The following FRMD4A variants were observed in gnomAD, a reference collection of about 807,000 sequenced individuals.
FRMD4A encodes FERM domain-containing protein 4A.
Under a neutral mutation model 129.1 loss-of-function variants are expected in FRMD4A, and 29 were observed. The ratio of observed to expected loss-of-function variants is 0.22; its 90% CI spans 0.17 to 0.31. The LOEUF is 0.31. Among genes scored for constraint, FRMD4A ranks in the 10% least tolerant of loss-of-function variants. The pLI, the probability that FRMD4A is intolerant of heterozygous loss-of-function variation, is 1.00. For missense variants in FRMD4A, 1,272 were observed against 1,375.8 expected, an observed-to-expected ratio of 0.92 and a Z score of 1.19; for synonymous variants, 634 against 571.6, an observed-to-expected ratio of 1.11 and a Z score of -1.56.
intron 2 of FRMD4A, among the ~76,000 whole-genome samples, chr10:14,018,395 G>T (rs142768519): frequency 7.2e-6 from 1 of 138,372 alleles, no homozygotes; most frequent in African/African-American, 2.8e-5. Flanking sequence ...GGCAGAGGTT[G>T]CAGTGAGCCG....
At chr10:13,933,272 G>A (rs2095218206) in intron 2 of FRMD4A, among the ~76,000 whole-genome samples, 1 of 137,842 alleles carries the variant, frequency 7.3e-6, no homozygotes, top group South Asian at 2.2e-4. Context: ...TGTACACCGA[G>A]TAAATGACTT....
chr10:13,795,896 T>A lies in FRMD4A; in HGVS notation c.299+600A>T, dbSNP rs553094080. Among the ~76,000 whole-genome samples, 51 of 152,304 alleles carry A rather than the reference T, an allele frequency of 3.3e-4. 1 individual carries two copies. Among genetic ancestry groups the A allele is most frequent in the South Asian group, 3.3e-3 (16 of 4,822 alleles). ...CAGCTGCAAATATTAACTATTTAAA[T>A]CACTATAGCCCACAAATCGTTCCCT... On this transcript the variant is annotated intron_variant, in intron 5 of 24. Coordinates refer to ENST00000357447, the MANE Select transcript of FRMD4A (RefSeq NM_018027.5).
At chr10:13,976,075 C>T (rs764205721) in intron 2 of FRMD4A, among the ~76,000 whole-genome samples, 30 of 152,118 alleles carry the variant, frequency 2.0e-4, no homozygotes, top group Non-Finnish European at 3.5e-4. Context: ...ATGTTAGACA[C>T]CAGGAAGACA....
At chr10:13,980,727 C>A (rs983044558) in intron 2 of FRMD4A, among the ~76,000 whole-genome samples, 2 of 152,072 alleles carry the variant, frequency 1.3e-5, no homozygotes, top group African/African-American at 4.8e-5. Context: ...CCGTAAAAAT[C>A]AAATCAAATC....
chr10:14,299,703 C>T lies in FRMD4A; in HGVS notation c.45+30355G>A, dbSNP rs535880601. ...CCTATCTCCTGGGAACTCAATGAGC[C>T]GCCTCAGACAAGACACATCAACTAC... On this transcript the variant is annotated intron_variant, in intron 2 of 24. Coordinates refer to ENST00000357447, the MANE Select transcript of FRMD4A (RefSeq NM_018027.5). Among the ~76,000 whole-genome samples the T allele has an allele frequency of 1.1e-4, 17 of 152,212 alleles. No homozygotes were observed. In the East Asian group the frequency reaches 1.5e-3, roughly 14 times the overall value.
At chr10:13,878,771 A>G (rs112068295) in intron 2 of FRMD4A, among the ~76,000 whole-genome samples, 1 of 143,084 alleles carries the variant, frequency 7.0e-6, no homozygotes, top group Non-Finnish European at 1.5e-5. Context: ...GAAAGAAAAG[A>G]AAGAGAGAGA....
intron 2 of FRMD4A, among the ~76,000 whole-genome samples, chr10:13,993,589 T>G (rs771754085): frequency 1.3e-5 from 2 of 152,230 alleles, no homozygotes; most frequent in African/African-American, 2.4e-5. Context: ...TGATTTGTTC[T>G]GTTTTAACAC....
chr10:14,208,608 T>C (rs1351809140), intron 2 of FRMD4A, among the ~76,000 whole-genome samples: 1 of 152,062 alleles, frequency 6.6e-6, no homozygotes, highest in Non-Finnish European at 1.5e-5. Context: ...CAACCTCAGC[T>C]GTCTGTGCTC....
intron 2 of FRMD4A, among the ~76,000 whole-genome samples, chr10:14,117,906 G>A (rs888531362): frequency 3.1e-4 from 47 of 152,240 alleles, no homozygotes; most frequent in Non-Finnish European, 1.3e-4. Flanking sequence ...TACTTGCAGA[G>A]AGGTGTTTAT....
At chr10:13,918,317 A>G (rs2095032674) in intron 2 of FRMD4A, among the ~76,000 whole-genome samples, 1 of 152,190 alleles carries the variant, frequency 6.6e-6, no homozygotes, top group African/African-American at 2.4e-5. Context: ...TCTCCAGTCT[A>G]AATGACCCCC....
At chr10:14,129,963 T>G (rs1205983904) in intron 2 of FRMD4A, among the ~76,000 whole-genome samples, 2 of 152,136 alleles carry the variant, frequency 1.3e-5, no homozygotes, top group Non-Finnish European at 2.9e-5. Flanking sequence ...GTGGTGGCCC[T>G]CTTGGTTGTC....
In FRMD4A at chr10:13,926,155, C is replaced by A. The variant is rs563139501; in HGVS notation, c.46-67243G>T. Among the ~76,000 whole-genome samples the A allele has an allele frequency of 4.6e-5, 7 of 152,208 alleles. No individual in the cohort carries two copies. The South Asian group carries it at 1.5e-3, about 32-fold the overall frequency. The stretch of plus-strand genomic sequence containing the variant: ...TCTGCTTCTGTATATTGTGCATTAA[C>A]TAGAAGTGATGTGAAGAAATGGAAC... On this transcript the variant is annotated intron_variant, in intron 2 of 24. Coordinates refer to ENST00000357447, the MANE Select transcript of FRMD4A (RefSeq NM_018027.5).
chr10:13,891,063 T>C (rs1363068917), intron 2 of FRMD4A, among the ~76,000 whole-genome samples: 1 of 152,132 alleles, frequency 6.6e-6, no homozygotes, highest in Non-Finnish European at 1.5e-5. Context: ...ATAGAAGCAC[T>C]GCATTTAGCC....
rs180795347 is a variant in FRMD4A at position 13,966,097 on chromosome 10, G to A, written c.46-107185C>T. On this transcript the variant is annotated intron_variant, in intron 2 of 24. Transcript: ENST00000357447. Reference sequence around the variant, plus strand: ...CCATCTTGGCTCACTGCGACCTCTCGAACTCCCGACCTCCCGGGTTCAAGC... The same window carrying A: ...CCATCTTGGCTCACTGCGACCTCTCAAACTCCCGACCTCCCGGGTTCAAGC... Among the ~76,000 whole-genome samples the A allele has an allele frequency of 8.7e-4, 132 of 151,962 alleles. No individual in the cohort carries two copies. The South Asian group carries it at 8.7e-3, about 10-fold the overall frequency.
At chr10:13,652,222 G>GCAAA (rs2134487418) in intron 23 of FRMD4A, 1 of 553,128 alleles carries the variant, frequency 1.8e-6, no homozygotes, top group South Asian at 2.2e-5. Context: ...TCACATCATA[G>GCAAA]CAAACAGTTT....
chr10:13,868,397 G>C (rs866923939), intron 2 of FRMD4A, among the ~76,000 whole-genome samples: 4 of 152,072 alleles, frequency 2.6e-5, no homozygotes, highest in Non-Finnish European at 5.9e-5. Context: ...ACACAGGCAT[G>C]AGACACCAGA....
chr10:14,084,180 T>C (rs1177464263), intron 2 of FRMD4A, among the ~76,000 whole-genome samples: 1 of 152,184 alleles, frequency 6.6e-6, no homozygotes. Flanking sequence ...AGAGTCTTGA[T>C]CTGTTGCCCG....
Position 13,912,793 on chromosome 10 carries a change from G to A in FRMD4A, c.46-53881C>T, listed in dbSNP as rs990617308. 2.0e-5 allele frequency among the ~76,000 whole-genome samples: 3 copies of A among 151,910 alleles called. No homozygotes were observed. The East Asian group carries it at 5.8e-4, about 30-fold the overall frequency. ...ATCCGCCTGCCTAGAATATTATTTG[G>A]CTGGGCGTGGTGGCTCACACCTGTA... On this transcript the variant is annotated intron_variant, in intron 2 of 24. Transcript: ENST00000357447.
intron 2 of FRMD4A, chr10:14,007,981 T>C (rs1451904218): frequency 1.6e-6 from 2 of 1,270,386 alleles, no homozygotes; most frequent in Non-Finnish European, 2.1e-6. Flanking sequence ...GTAACAGAAG[T>C]AACGCGGTAT....
Sources: allele counts gnomAD v4.1 joint callset (sites outside exome capture counted in the v4.1 genomes callset), GRCh38; gene constraint gnomAD v4.1.1; transcripts MANE v1.5; gene names NCBI Gene and HGNC (gene_info 2026-07-23, HGNC 2026-07-21).